The following SYT16 variants were observed in gnomAD, a reference collection of about 807,000 sequenced individuals.
The protein encoded by SYT16 is synaptotagmin-16.
In SYT16, 42 loss-of-function variants were observed where a neutral mutation model predicts 61.4. That is an observed-to-expected ratio of 0.68 (90% CI 0.53 to 0.89). The LOEUF (loss-of-function observed/expected upper bound fraction) is 0.89, where lower values mean the gene tolerates loss of function less well. Ranked by LOEUF, SYT16 falls within the 40% of genes least tolerant of loss-of-function variation. The probability of loss-of-function intolerance (pLI) is 0.00; values close to 1 mark genes in which losing one functional copy is unlikely to be tolerated. For missense variants in SYT16, 804 were observed against 807.3 expected, an observed-to-expected ratio of 1.00 and a Z score of 0.05; for synonymous variants, 314 against 302.3, an observed-to-expected ratio of 1.04 and a Z score of -0.40.
chr14:61,850,382 A>G (rs1355938665), intron 1 of SYT16, among the ~76,000 whole-genome samples: 3 of 151,544 alleles, frequency 2.0e-5, no homozygotes, highest in Non-Finnish European at 2.9e-5. Context: ...TTATCTGCCT[A>G]CCTTGGCCTC....
At chr14:62,021,739 G>A (rs1160214758) in intron 3 of SYT16, among the ~76,000 whole-genome samples, 1 of 152,166 alleles carries the variant, frequency 6.6e-6, no homozygotes, top group East Asian at 1.9e-4. Flanking sequence ...ATCCAGTGAA[G>A]GTGGTTGAGA....
chr14:62,081,915 C>A (rs1028179207), intron 6 of SYT16, among the ~76,000 whole-genome samples: 3 of 152,162 alleles, frequency 2.0e-5, no homozygotes, highest in Non-Finnish European at 4.4e-5. Context: ...ATCAGTCATT[C>A]ATTCAGAGAT....
At chr14:62,090,766 G>A (rs11846996) in intron 7 of SYT16, among the ~76,000 whole-genome samples, 34,040 of 152,064 alleles carry the variant, frequency 0.22, 6,030 homozygotes, top group African/African-American at 0.49. Context: ...TGATAAAGAC[G>A]TACCCAAGAC....
Position 62,032,955 on chromosome 14 carries a change from C to A in SYT16, c.523+36413C>A, listed in dbSNP as rs547121499. Among the ~76,000 whole-genome samples the A allele has an allele frequency of 5.9e-5, 9 of 151,728 alleles. No individual in the cohort carries two copies. The East Asian group carries it at 1.7e-3, about 29-fold the overall frequency. ...AATTCTAATTTTAGAAATATAGCAA[C>A]TGTTAAATGCAAATCTAATACTAGA... On this transcript the variant is annotated intron_variant, in intron 3 of 7. Transcript: ENST00000683842.
At chr14:62,064,394 A>G (rs8009246) in intron 3 of SYT16, among the ~76,000 whole-genome samples, 23,325 of 150,358 alleles carry the variant, frequency 0.16, 1,925 homozygotes, top group South Asian at 0.25. Context: ...ATGCTATGGA[A>G]AAACCATTGA....
intron 3 of SYT16, among the ~76,000 whole-genome samples, chr14:62,068,153 C>T (rs10143248): frequency 0.1 from 15,241 of 152,028 alleles, 964 homozygotes; most frequent in African/African-American, 0.18. Context: ...CCTAAGTGTC[C>T]GTCAGTGGAC....
At chr14:61,815,616 T>C (rs923085420) in intron 1 of SYT16, among the ~76,000 whole-genome samples, 4 of 152,230 alleles carry the variant, frequency 2.6e-5, no homozygotes, top group Non-Finnish European at 5.9e-5. Context: ...GAAAATGTTC[T>C]TATATCTAGA....
chr14:61,959,731 A>G (rs1037309575), intron 1 of SYT16, among the ~76,000 whole-genome samples: 14 of 152,026 alleles, frequency 9.2e-5, no homozygotes, highest in African/African-American at 1.7e-4. Context: ...TTATATTTTC[A>G]TATTCTTTTT....
At chr14:62,068,375 CAAAACA>C (rs1465796124) in intron 3 of SYT16, among the ~76,000 whole-genome samples, 1 of 41,920 alleles carries the variant, frequency 2.4e-5, no homozygotes, top group Non-Finnish European at 3.8e-5. Context: ...AAAAACAAAA[CAAAACA>C]AAACAAAACA....
intron 4 of SYT16, among the ~76,000 whole-genome samples, chr14:62,073,947 A>G (rs1409987758): frequency 6.6e-6 from 1 of 152,240 alleles, no homozygotes. Context: ...GTATCAGACT[A>G]ACAAGGGAAA....
intron 1 of SYT16, among the ~76,000 whole-genome samples, chr14:61,956,312 CTGTT>C (rs2050872586): frequency 6.6e-6 from 1 of 151,648 alleles, no homozygotes. Flanking sequence ...TGATGTAATC[CTGTT>C]TGTTTATTTT....
chr14:62,027,533 A>G (rs536873483), intron 3 of SYT16, among the ~76,000 whole-genome samples: 2 of 152,234 alleles, frequency 1.3e-5, no homozygotes, highest in Admixed American at 1.3e-4. Flanking sequence ...GTTTACTATC[A>G]TCCTTCTCTC....
intron 1 of SYT16, among the ~76,000 whole-genome samples, chr14:61,968,129 C>T (rs535422469): frequency 2.6e-5 from 4 of 152,152 alleles, no homozygotes; most frequent in Admixed American, 6.5e-5. Flanking sequence ...GGTATGGTGG[C>T]GCATGCCTGA....
intron 2 of SYT16, among the ~76,000 whole-genome samples, chr14:61,984,797 G>T (rs1183922957): frequency 6.6e-6 from 1 of 152,090 alleles, no homozygotes; most frequent in East Asian, 1.9e-4. Context: ...TATAAAATAG[G>T]TCACACATGT....
At chr14:62,067,482 C>T (rs1018864297) in intron 3 of SYT16, among the ~76,000 whole-genome samples, 3 of 152,072 alleles carry the variant, frequency 2.0e-5, no homozygotes, top group South Asian at 2.1e-4. Flanking sequence ...GGAACAATCT[C>T]GGCCTGTTGG....
chr14:62,028,100 G>A (rs2054169577), intron 3 of SYT16, among the ~76,000 whole-genome samples: 1 of 152,122 alleles, frequency 6.6e-6, no homozygotes, highest in South Asian at 2.1e-4. Context: ...TCCTGGCCTG[G>A]CTGGGTTTTG....
At position 61,922,828 on chromosome 14, in the gene SYT16, T is replaced by C. The variant is rs191506065; in HGVS notation, c.-324-47304T>C. Among the ~76,000 whole-genome samples, 524 of 152,290 alleles carry C rather than the reference T, an allele frequency of 3.4e-3. 2 individuals are homozygous for C. The highest frequency in any genetic ancestry group is 5.8e-3 in the Non-Finnish European group (395 of 68,020). On this transcript the variant is annotated intron_variant, in intron 1 of 7. Coordinates refer to ENST00000683842, the MANE Select transcript of SYT16 (RefSeq NM_001367656.1). ...ACTTTGGGAGGCCAAGGCAGGCCGA[T>C]CACAAGGTCAGGAGTTCGAGACAAG... is the stretch of plus-strand genomic sequence containing the variant.
At chr14:61,981,905 G>A (rs2052095203) in intron 2 of SYT16, among the ~76,000 whole-genome samples, 1 of 152,094 alleles carries the variant, frequency 6.6e-6, no homozygotes, top group Non-Finnish European at 1.5e-5. Context: ...TGCTAGGATG[G>A]TAATAAAAAC....
At chr14:62,065,821 C>T (rs1212559317) in intron 3 of SYT16, among the ~76,000 whole-genome samples, 1 of 152,162 alleles carries the variant, frequency 6.6e-6, no homozygotes, top group East Asian at 1.9e-4. Context: ...TCCATCGCAT[C>T]CTAGAGTGCT....
Sources: allele counts gnomAD v4.1 joint callset (sites outside exome capture counted in the v4.1 genomes callset), GRCh38; gene constraint gnomAD v4.1.1; transcripts MANE v1.5; gene names NCBI Gene and HGNC (gene_info 2026-07-23, HGNC 2026-07-21).